The following KCTD21 variants were observed in gnomAD, a reference collection of about 807,000 sequenced individuals.
KCTD21 encodes the protein BTB/POZ domain-containing protein KCTD21.
In KCTD21, 9 loss-of-function variants were observed where a neutral mutation model predicts 13.2. The ratio of observed to expected loss-of-function variants is 0.68; its 90% CI spans 0.41 to 1.19. The LOEUF (loss-of-function observed/expected upper bound fraction) is 1.19. Among genes scored for constraint, KCTD21 ranks in the 50% most tolerant of loss-of-function variants. The pLI, the probability that KCTD21 is intolerant of heterozygous loss-of-function variation, is 0.01. For missense variants in KCTD21, 303 were observed against 336.5 expected (o/e 0.90, Z 0.78); for synonymous variants, 142 against 137.4 (o/e 1.03, Z -0.23).
chr11:78,186,472 G>A (rs1462880633), intron 1 of KCTD21, among the ~76,000 whole-genome samples: 1 of 149,626 alleles, frequency 6.7e-6, no homozygotes, highest in African/African-American at 2.5e-5. Flanking sequence ...CATTACCTGG[G>A]TTTGCATTTG....
intron 1 of KCTD21, 163 bp downstream of exon 1, chr11:78,188,398 CCTCGCTCCGAAA>C (rs949800739): frequency 2.0e-6 from 2 of 985,554 alleles, no homozygotes; most frequent in African/African-American, 3.5e-5. Flanking sequence ...CTTCGGCTCA[CCTCGCTCCGAAA>C]CGCGCCCCCT....
intron 1 of KCTD21, chr11:78,187,805 T>C: frequency 6.1e-6 from 6 of 985,384 alleles, no homozygotes; most frequent in Non-Finnish European, 7.2e-6. Context: ...AACTTTTCTT[T>C]CCTGCCTCCC....
Position 78,174,545 on chromosome 11 carries a change from G to T in KCTD21, c.10C>A (p.Pro4Thr). The T allele has an allele frequency of 6.2e-7, 1 of 1,610,770 alleles. No homozygotes were observed. The highest frequency in any genetic ancestry group is 8.5e-7 in the Non-Finnish European group (1 of 1,178,136). Reference sequence around the variant, plus strand: ...TTCCCCCCGACGTTCAGCGTGATGGGGTCGGACATGGCAGGAGACTGGGTT... The same window carrying T: ...TTCCCCCCGACGTTCAGCGTGATGGTGTCGGACATGGCAGGAGACTGGGTT... MSD[P>T]ITLNVGGKLY... Residue 4 changes from proline (P) to threonine (T), a missense_variant, in exon 2 of 2, where the codon CCC (proline) becomes ACC (threonine). Transcript: ENST00000340067.
At chr11:78,178,229 G>A (rs1167738175) in intron 1 of KCTD21, among the ~76,000 whole-genome samples, 2 of 151,356 alleles carry the variant, frequency 1.3e-5, no homozygotes, top group Admixed American at 6.6e-5. Context: ...AGATTCAAGC[G>A]ACACTCCTGC....
intron 1 of KCTD21, among the ~76,000 whole-genome samples, chr11:78,186,215 GA>G (rs561964193): frequency 0.044 from 6,318 of 143,030 alleles, 406 homozygotes; most frequent in African/African-American, 0.14. Context: ...TTTCTATAGA[GA>G]AAAAAAAAAA....
At chr11:78,174,740 A>G in intron 1 of KCTD21, 157 bp from the exon 2 acceptor site, 1 of 556,972 alleles carries the variant, frequency 1.8e-6, no homozygotes, top group South Asian at 2.8e-5. Context: ...TGCAAAGTAC[A>G]TTAGCTTCAC....
chr11:78,174,753 G>A, intron 1 of KCTD21, 170 bp from the exon 2 acceptor site: 1 of 502,094 alleles, frequency 2.0e-6, no homozygotes, highest in Non-Finnish European at 3.5e-6. Context: ...AGCTTCACTA[G>A]GGAGAGGGAA....
chr11:78,179,714 C>T lies in KCTD21; in HGVS notation c.-29-5131G>A, dbSNP rs867647483. ...AACCCTGCCCTCCACGCACGCCAGA[C>T]GCCACTGAGTCAGTCTCCTTCATGC... On this transcript the variant is annotated intron_variant, in intron 1 of 1. Coordinates refer to ENST00000340067, the MANE Select transcript of KCTD21 (RefSeq NM_001029859.3). Among the ~76,000 whole-genome samples, 15 of 152,242 alleles carry T rather than the reference C, an allele frequency of 9.9e-5. No homozygotes were observed. The Middle Eastern group carries it at 0.01, about 104-fold the overall frequency.
chr11:78,179,519 G>T (rs1862555016), intron 1 of KCTD21, among the ~76,000 whole-genome samples: 1 of 151,884 alleles, frequency 6.6e-6, no homozygotes, highest in African/African-American at 2.4e-5. Flanking sequence ...CTATCTCCTT[G>T]AACCCATCCC....
Position 78,174,339 on chromosome 11 carries a change from C to G in KCTD21, c.216G>C (p.Glu72Asp), listed in dbSNP as rs140009323. The G allele has an allele frequency of 7.5e-5, 121 of 1,614,110 alleles. No individual in the cohort carries two copies. The African/African-American group carries it at 1.4e-3, about 19-fold the overall frequency. ...FLRTSHLDLP[E>D]DFQEMGLLRR... is the part of the protein sequence containing the mutation. ...GGAGCAGCCCCATCTCCTGGAAGTC[C>G]TCAGGCAGGTCAAGGTGGGAGGTCC... The change falls in exon 2 of 2, where the codon GAG becomes GAC. Residue 72 changes from glutamate to aspartate, a missense_variant. Physicochemically the swap from Glu to Asp is conservative, Grantham distance 45. Transcript: ENST00000340067.
chr11:78,187,872 G>T (rs1027692592), intron 1 of KCTD21: 36 of 985,436 alleles, frequency 3.7e-5, no homozygotes, highest in Non-Finnish European at 4.3e-5. Context: ...GGTCTTTGAA[G>T]TAAGGAGTCC....
rs562422248 is a variant in KCTD21 at position 78,177,188 on chromosome 11, C to A, written c.-29-2605G>T. Among the ~76,000 whole-genome samples, 83 of 152,326 alleles carry A rather than the reference C, an allele frequency of 5.4e-4. No homozygotes were observed. The South Asian group carries it at 5.6e-3, about 10-fold the overall frequency. On this transcript the variant is annotated intron_variant, in intron 1 of 1. Coordinates refer to ENST00000340067, the MANE Select transcript of KCTD21 (RefSeq NM_001029859.3). The stretch of plus-strand genomic sequence containing the variant: ...GCCTCCTTTCTCCAGAGGATGGGGG[C>A]CATGCCAGTGTGAGAGATATTCAGC...
intron 1 of KCTD21, chr11:78,188,354 C>T (rs1862876751): frequency 2.0e-6 from 2 of 985,326 alleles, no homozygotes; most frequent in Non-Finnish European, 2.4e-6. Flanking sequence ...CCCTTGCTCT[C>T]CCAACAGCCC....
At position 78,182,072 on chromosome 11, in the gene KCTD21, G is replaced by C. The variant is rs114566632; in HGVS notation, c.-30+6501C>G. 4.8e-3 allele frequency among the ~76,000 whole-genome samples: 734 copies of C among 152,306 alleles called. 3 individuals carry two copies. The highest frequency in any genetic ancestry group is 0.017 in the African/African-American group (702 of 41,560). On this transcript the variant is annotated intron_variant, in intron 1 of 1. Transcript: ENST00000340067. Reference sequence around the variant, plus strand: ...GCATAGTCACCGCCTTGCACTCAGGGGAGGGGTTGTGTGATACTGTGATAT... The same window carrying C: ...GCATAGTCACCGCCTTGCACTCAGGCGAGGGGTTGTGTGATACTGTGATAT...
At chr11:78,185,428 C>T (rs569022510) in intron 1 of KCTD21, among the ~76,000 whole-genome samples, 125 of 152,274 alleles carry the variant, frequency 8.2e-4, no homozygotes, top group African/African-American at 3.0e-3. Flanking sequence ...TACAGATTTA[C>T]TACTACTACT....
intron 1 of KCTD21, chr11:78,187,685 C>T (rs1862830314): frequency 2.0e-6 from 2 of 985,414 alleles, no homozygotes. Context: ...CTTTCAAATC[C>T]ATCTCATTTC....
chr11:78,174,178 G>A lies in KCTD21; in HGVS notation c.377C>T (p.Thr126Ile). ...LNQRVQTVHF[T>I]VREAPQIYSL... ...GTAGATCTGGGGTGCCTCGCGCACA[G>A]TGAAGTGGACCGTCTGCACACGCTG... is the stretch of plus-strand genomic sequence containing the variant. Residue 126 changes from threonine (T) to isoleucine (I), a missense_variant, in exon 2 of 2, where the codon ACT becomes ATT. Transcript: ENST00000340067. 6.2e-7 allele frequency: 1 copy of A among 1,614,102 alleles called. No individual in the cohort carries two copies. The highest frequency in any genetic ancestry group is 8.5e-7 in the Non-Finnish European group (1 of 1,180,032).
chr11:78,187,975 G>A lies in KCTD21; in HGVS notation c.-30+598C>T, dbSNP rs145732664. ...TGACGCCTCTACTTTTCAGGGCGTG[G>A]GAGGTCAATGAGATCACTGGTGTGC... On this transcript the variant is annotated intron_variant, in intron 1 of 1. Coordinates refer to ENST00000340067, the MANE Select transcript of KCTD21 (RefSeq NM_001029859.3). 5.2e-4 allele frequency: 513 copies of A among 985,366 alleles called. 2 individuals are homozygous for A. The African/African-American group carries it at 8.2e-3, about 16-fold the overall frequency. 61.0% of individuals were successfully genotyped at this position (985,366 alleles called of 1,614,324 possible).
intron 1 of KCTD21, among the ~76,000 whole-genome samples, chr11:78,181,476 A>G (rs931253409): frequency 6.6e-6 from 1 of 152,250 alleles, no homozygotes; most frequent in Non-Finnish European, 1.5e-5. Context: ...CAGAAATCAG[A>G]TTAAGTGAAT....
Sources: gnomAD v4.1 joint callset for allele counts (sites outside exome capture counted in the v4.1 genomes callset) on GRCh38, gnomAD v4.1.1 for gene constraint, MANE v1.5 for transcripts, NCBI Gene and HGNC (gene_info 2026-07-23, HGNC 2026-07-21) for gene names.